ROBO2: variants seen among roughly 807,000 people sequenced by gnomAD.
The protein encoded by ROBO2 is roundabout homolog 2.
A neutral mutation model predicts 160.8 loss-of-function variants in ROBO2; 53 were observed. The ratio of observed to expected loss-of-function variants is 0.33; its 90% CI spans 0.26 to 0.41. The LOEUF is 0.41. Ranked by LOEUF, ROBO2 falls within the 10% of genes least tolerant of loss-of-function variation. The probability of loss-of-function intolerance (pLI) is 1.00; values close to 1 mark genes in which losing one functional copy is unlikely to be tolerated. For synonymous variants in ROBO2, 664 were observed against 611.7 expected, an observed-to-expected ratio of 1.09 and a Z score of -1.26; for missense variants, 1,577 against 1,722.4, an observed-to-expected ratio of 0.92 and a Z score of 1.49.
rs569242892 is a variant in ROBO2 at position 77,277,030 on chromosome 3, G to A, written c.388+178690G>A. On this transcript the variant is annotated intron_variant, in intron 2 of 25. Coordinates refer to ENST00000461745, the Ensembl canonical transcript of ROBO2. ...TTATTGCAATTCAAGGTGAGATATG[G>A]GTGCGGACACAGTCAAACCATATCA... Among the ~76,000 whole-genome samples, 4 of 152,114 alleles carry A rather than the reference G, an allele frequency of 2.6e-5. No individual in the cohort carries two copies. The East Asian group carries it at 7.8e-4, about 30-fold the overall frequency.
At chr3:77,321,766 C>G (rs557001865) in intron 2 of ROBO2, among the ~76,000 whole-genome samples, 1 of 151,906 alleles carries the variant, frequency 6.6e-6, no homozygotes, top group South Asian at 2.1e-4. Context: ...ACAACTAAGA[C>G]GGGCAAGCGG....
intron 9 of ROBO2, 91 bp downstream of exon 10, chr3:77,558,240 C>CT: frequency 9.8e-7 from 1 of 1,017,000 alleles, no homozygotes; most frequent in Non-Finnish European, 1.6e-6. Flanking sequence ...AATCTTACAT[C>CT]CTAGTATAAT....
intron 2 of ROBO2, among the ~76,000 whole-genome samples, chr3:76,619,852 A>T (rs2088921456): frequency 6.6e-6 from 1 of 152,206 alleles, no homozygotes; most frequent in Admixed American, 6.5e-5. Context: ...TGTGAGAAAC[A>T]GTTCTTTTTC....
At chr3:76,691,335 C>A (rs1048458062) in intron 2 of ROBO2, among the ~76,000 whole-genome samples, 2 of 151,990 alleles carry the variant, frequency 1.3e-5, no homozygotes, top group African/African-American at 2.4e-5. Flanking sequence ...GAACCATAAG[C>A]CAAATTAACT....
chr3:77,372,274 T>A (rs2071877927), intron 2 of ROBO2, among the ~76,000 whole-genome samples: 1 of 152,090 alleles, frequency 6.6e-6, no homozygotes, highest in Non-Finnish European at 1.5e-5. Flanking sequence ...AATTCTTATA[T>A]CAGGAAGAGG....
Position 77,455,105 on chromosome 3 carries a change from G to T in ROBO2, c.389-22309G>T, listed in dbSNP as rs191106536. ...ATTATGGGAGAACAAATAGAACAAT[G>T]AAACTCTAATGCTGACCCCAAAACA... On this transcript the variant is annotated intron_variant, in intron 2 of 25. Transcript: ENST00000461745. Among the ~76,000 whole-genome samples the T allele has an allele frequency of 2.8e-3, 428 of 152,264 alleles. 2 individuals carry two copies. Among genetic ancestry groups the T allele is most frequent in the African/African-American group, 9.7e-3 (402 of 41,568 alleles).
At chr3:76,587,176 A>T (rs2086097007) in intron 2 of ROBO2, among the ~76,000 whole-genome samples, 1 of 152,118 alleles carries the variant, frequency 6.6e-6, no homozygotes, top group Admixed American at 6.5e-5. Context: ...CCCATTTCAA[A>T]ATAACTGTGT....
At chr3:76,831,308 A>G (rs1191897227) in intron 2 of ROBO2, among the ~76,000 whole-genome samples, 3 of 152,138 alleles carry the variant, frequency 2.0e-5, no homozygotes, top group Non-Finnish European at 4.4e-5. Flanking sequence ...AAAATATGCG[A>G]TTTTGTAATA....
chr3:76,355,980 T>G (rs73844514), intron 2 of ROBO2, among the ~76,000 whole-genome samples: 464 of 151,814 alleles, frequency 3.1e-3, no homozygotes, highest in African/African-American at 0.011. Flanking sequence ...TTGGGTGGTT[T>G]ATAGCATATG....
chr3:77,092,531 A>G (rs907409181), intron 1 of ROBO2, among the ~76,000 whole-genome samples: 1 of 148,422 alleles, frequency 6.7e-6, no homozygotes, highest in African/African-American at 2.5e-5. Flanking sequence ...CTCTTTTATT[A>G]TAAAAGAGAG....
At chr3:76,814,183 A>G (rs537223054) in intron 2 of ROBO2, among the ~76,000 whole-genome samples, 61 of 152,284 alleles carry the variant, frequency 4.0e-4, no homozygotes, top group Admixed American at 1.2e-3. Context: ...GCGCAAATAC[A>G]CCCAAATCAA....
At chr3:77,618,587 C>T (rs1353784707) in intron 22 of ROBO2, among the ~76,000 whole-genome samples, 1 of 152,040 alleles carries the variant, frequency 6.6e-6, no homozygotes, top group Non-Finnish European at 1.5e-5. Context: ...ACCCTTTGTG[C>T]TTGAAGTCTG....
intron 2 of ROBO2, among the ~76,000 whole-genome samples, chr3:76,451,712 T>C (rs2077483525): frequency 6.6e-6 from 1 of 152,214 alleles, no homozygotes; most frequent in Admixed American, 6.6e-5. Flanking sequence ...GTTTCTAAAT[T>C]GTTAGATTCA....
chr3:76,976,354 A>G (rs1033412528), intron 2 of ROBO2, among the ~76,000 whole-genome samples: 1 of 152,214 alleles, frequency 6.6e-6, no homozygotes, highest in Non-Finnish European at 1.5e-5. Context: ...TAACATTTTC[A>G]CATAAGCCCA....
intron 2 of ROBO2, among the ~76,000 whole-genome samples, chr3:76,183,973 T>C: frequency 6.6e-6 from 1 of 152,126 alleles, no homozygotes; most frequent in East Asian, 1.9e-4. Context: ...ATTTAGAAAA[T>C]ACAGTAAAGC....
chr3:76,640,423 C>T (rs952903816), intron 2 of ROBO2, among the ~76,000 whole-genome samples: 11 of 152,100 alleles, frequency 7.2e-5, no homozygotes, highest in Non-Finnish European at 1.5e-4. Context: ...CCCAGCTACT[C>T]GGGAGGCTAA....
chr3:76,795,149 G>T (rs2063606351), intron 2 of ROBO2, among the ~76,000 whole-genome samples: 1 of 152,036 alleles, frequency 6.6e-6, no homozygotes, highest in Admixed American at 6.6e-5. Flanking sequence ...ATTATCATCT[G>T]AGACGTCAGC....
At chr3:76,926,827 G>A (rs890719150) in intron 2 of ROBO2, among the ~76,000 whole-genome samples, 9 of 151,740 alleles carry the variant, frequency 5.9e-5, no homozygotes, top group South Asian at 2.1e-4. Flanking sequence ...ACTCTAGCTC[G>A]CAGAATCTAG....
chr3:77,561,307 A>G (rs1306967117), intron 9 of ROBO2, among the ~76,000 whole-genome samples: 1 of 152,138 alleles, frequency 6.6e-6, no homozygotes, highest in Non-Finnish European at 1.5e-5. Flanking sequence ...TCATCACAGA[A>G]TATTAATTCT....
Sources: allele counts gnomAD v4.1 joint callset (sites outside exome capture counted in the v4.1 genomes callset), GRCh38; gene constraint gnomAD v4.1.1; transcripts MANE v1.5; gene names NCBI Gene and HGNC (gene_info 2026-07-23, HGNC 2026-07-21).